DSC3: variants seen among roughly 807,000 people sequenced by gnomAD.
The protein encoded by DSC3 is desmocollin-3.
Under a neutral mutation model 89.5 loss-of-function variants are expected in DSC3, and 97 were observed. That is an observed-to-expected ratio of 1.08 (90% confidence interval 0.92 to 1.28). The LOEUF is 1.28. DSC3 is among the 50% of genes most tolerant of loss of function. The pLI is 0.00. For missense variants in DSC3, 1,199 were observed against 1,085.3 expected (o/e 1.10, Z -1.47); for synonymous variants, 436 against 384.1 (o/e 1.14, Z -1.58).
intron 6 of DSC3, 55 bp downstream of exon 6, chr18:31,024,294 A>G: frequency 6.7e-7 from 1 of 1,487,380 alleles, no homozygotes; most frequent in Non-Finnish European, 9.0e-7. Flanking sequence ...ATGTCTTTTA[A>G]AATGTACACA....
At position 31,008,532 on chromosome 18, in the gene DSC3, A is replaced by G; in HGVS notation, c.1264-7T>C. ...TTTCTTCATAATTCAGTGGCTTTAA[A>G]ATAAAGTCCATGTATATCAGTGTCA... On this transcript the variant is annotated splice_polypyrimidine_tract_variant and splice_region_variant and intron_variant, in intron 9 of 15. Transcript: ENST00000360428. 3 of 1,613,860 alleles carry G rather than the reference A, an allele frequency of 1.9e-6. No homozygotes were observed. The highest frequency in any genetic ancestry group is 2.5e-6 in the Non-Finnish European group (3 of 1,179,996).
At chr18:31,007,897 T>C (rs945505990) in intron 11 of DSC3, 119 bp downstream of exon 11, 45 of 918,112 alleles carry the variant, frequency 4.9e-5, no homozygotes, top group Non-Finnish European at 6.5e-5. Context: ...ACAGAAAGAG[T>C]CTTTAAAGTA....
At chr18:31,005,018 A>C (rs1353209205) in intron 12 of DSC3, among the ~76,000 whole-genome samples, 2 of 152,206 alleles carry the variant, frequency 1.3e-5, no homozygotes, top group African/African-American at 4.8e-5. Flanking sequence ...ACAGAATTTC[A>C]ATGGCAGTTA....
chr18:30,994,141 T>G lies in DSC3; in HGVS notation c.*34A>C. 6.3e-7 allele frequency: 1 copy of G among 1,596,772 alleles called. No homozygotes were observed. Among genetic ancestry groups the G allele is most frequent in the South Asian group, 1.1e-5 (1 of 90,598 alleles). On this transcript the variant is annotated 3_prime_UTR_variant, in exon 16 of 16. Transcript: ENST00000360428. ...ATATTATTTTTGGAAACCTCCAGAA[T>G]GTCTGACAAAGACCTAATTGTAGCA...
chr18:31,038,948 A>G (rs1417333712), intron 1 of DSC3, among the ~76,000 whole-genome samples: 1 of 152,050 alleles, frequency 6.6e-6, no homozygotes, highest in African/African-American at 2.4e-5. Flanking sequence ...GAAACTATGA[A>G]GTCATTTGAT....
At chr18:31,024,207 G>A (rs538480478) in intron 6 of DSC3, 142 bp downstream of exon 6, 1 of 723,010 alleles carries the variant, frequency 1.4e-6, no homozygotes, top group Non-Finnish European at 2.1e-6. Context: ...AAAGTGATGG[G>A]ATTAAGTGTT....
At chr18:31,032,142 G>A in intron 2 of DSC3, 50 bp downstream of exon 2, 1 of 1,305,542 alleles carries the variant, frequency 7.7e-7, no homozygotes, top group Non-Finnish European at 1.1e-6. Context: ...GCTCTTTCCA[G>A]CCTATGTAAA....
At chr18:31,011,575 A>G (rs1311561542) in intron 9 of DSC3, among the ~76,000 whole-genome samples, 3 of 152,224 alleles carry the variant, frequency 2.0e-5, no homozygotes, top group African/African-American at 7.2e-5. Context: ...GTCATTCTTT[A>G]ATCAGTACTC....
At chr18:31,034,508 TCCA>T (rs1239569569) in intron 1 of DSC3, among the ~76,000 whole-genome samples, 1 of 152,152 alleles carries the variant, frequency 6.6e-6, no homozygotes, top group East Asian at 1.9e-4. Context: ...ACCTATATGA[TCCA>T]GCAAGTCCAC....
At chr18:31,039,340 A>G (rs1223857692) in intron 1 of DSC3, among the ~76,000 whole-genome samples, 3 of 152,184 alleles carry the variant, frequency 2.0e-5, no homozygotes, top group Non-Finnish European at 4.4e-5. Flanking sequence ...TTAATTTTAT[A>G]GTAAATACAC....
At chr18:31,037,876 G>C (rs150816573) in intron 1 of DSC3, among the ~76,000 whole-genome samples, 2,490 of 150,444 alleles carry the variant, frequency 0.017, 75 homozygotes, top group African/African-American at 0.058. Context: ...CCAGCCTGGG[G>C]AACAGAGCAA....
At chr18:31,041,940 C>A (rs918965289) in intron 1 of DSC3, among the ~76,000 whole-genome samples, 10 of 152,126 alleles carry the variant, frequency 6.6e-5, no homozygotes, top group African/African-American at 2.2e-4. Context: ...GACCCCAACC[C>A]CCATTCTGGC....
rs1372117369 is a variant in DSC3, at chr18:31,031,052, C to G, written c.275G>C (p.Arg92Thr). Reference sequence around the variant, plus strand: ...GTCAGAAAGCCATATGGTAAATGATCTTTTCTTATCAGACAGCGCAACAGC... The same window carrying G: ...GTCAGAAAGCCATATGGTAAATGATGTTTTCTTATCAGACAGCGCAACAGC... ...ARAVALSDKK[R>T]SFTIWLSDKR... Residue 92 changes from arginine (R) to threonine (T), a missense_variant, in exon 3 of 16, where the codon AGA becomes ACA. Coordinates refer to ENST00000360428, the MANE Select transcript of DSC3 (RefSeq NM_001941.5). 6.2e-7 allele frequency: 1 copy of G among 1,613,928 alleles called. No individual in the cohort carries two copies. The highest frequency in any genetic ancestry group is 8.5e-7 in the Non-Finnish European group (1 of 1,179,972).
intron 1 of DSC3, among the ~76,000 whole-genome samples, chr18:31,038,600 G>A (rs995133192): frequency 2.6e-5 from 4 of 151,888 alleles, no homozygotes; most frequent in Non-Finnish European, 5.9e-5. Context: ...TCAGAGTAGG[G>A]TTTGTCTATA....
intron 4 of DSC3, among the ~76,000 whole-genome samples, chr18:31,027,300 A>T (rs1985629884): frequency 6.6e-6 from 1 of 152,132 alleles, no homozygotes; most frequent in Non-Finnish European, 1.5e-5. Context: ...TGCTTGAACA[A>T]GATTGGAATG....
chr18:30,995,996 A>AAAAAAAGAAAG lies in DSC3; in HGVS notation c.2493+794_2493+795insCTTTCTTTTTT, dbSNP rs1555631968. Among the ~76,000 whole-genome samples, 7 of 136,410 alleles carry AAAAAAAGAAAG rather than the reference A, an allele frequency of 5.1e-5. 1 individual carries two copies. Among genetic ancestry groups the AAAAAAAGAAAG allele is most frequent in the African/African-American group, 2.1e-4 (7 of 33,502 alleles). 89.5% of individuals were successfully genotyped at this position (136,410 alleles called of 152,430 possible). ...TAAAAAAAAAAAAAAAAAAAAAAAA[A>AAAAAAAGAAAG]AAAGAAAAGAAAGAAAAAAGCTTCT... On this transcript the variant is annotated intron_variant, in intron 15 of 15. Coordinates refer to ENST00000360428, the MANE Select transcript of DSC3 (RefSeq NM_001941.5).
At chr18:31,003,423 T>C (rs2144684426) in intron 13 of DSC3, among the ~76,000 whole-genome samples, 1 of 152,308 alleles carries the variant, frequency 6.6e-6, no homozygotes, top group Admixed American at 6.5e-5. Flanking sequence ...TGATGAAAAA[T>C]AATGAACACA....
At chr18:31,041,001 T>A (rs1280746298) in intron 1 of DSC3, among the ~76,000 whole-genome samples, 19 of 150,980 alleles carry the variant, frequency 1.3e-4, no homozygotes, top group Admixed American at 8.6e-4. Context: ...CGGAATTATT[T>A]TAAAAAAAAA....
At chr18:30,996,494 T>A (rs945080905) in intron 15 of DSC3, among the ~76,000 whole-genome samples, 1 of 152,092 alleles carries the variant, frequency 6.6e-6, no homozygotes, top group Admixed American at 6.6e-5. Flanking sequence ...ACTTTCACGA[T>A]CTTCTATATC....
Sources: allele counts gnomAD v4.1 joint callset (sites outside exome capture counted in the v4.1 genomes callset), GRCh38; gene constraint gnomAD v4.1.1; transcripts MANE v1.5; gene names NCBI Gene and HGNC (gene_info 2026-07-23, HGNC 2026-07-21).